Variants in TRDN observed in about 807,000 individuals in gnomAD.
TRDN encodes triadin.
Under a neutral mutation model 149.7 loss-of-function variants are expected in TRDN, and 161 were observed. The ratio of observed to expected loss-of-function variants is 1.08; its 90% CI spans 0.95 to 1.23. The LOEUF (loss-of-function observed/expected upper bound fraction) is 1.23. Among genes scored for constraint, TRDN ranks in the 50% most tolerant of loss-of-function variants. TRDN has a pLI of 0.00. For missense variants in TRDN, 896 were observed against 823.5 expected, an observed-to-expected ratio of 1.09 and a Z score of -1.08; for synonymous variants, 294 against 250.5, an observed-to-expected ratio of 1.17 and a Z score of -1.64.
At chr6:123,356,153 G>T (rs1207292814) in intron 20 of TRDN, among the ~76,000 whole-genome samples, 1 of 151,518 alleles carries the variant, frequency 6.6e-6, no homozygotes, top group Non-Finnish European at 1.5e-5. Context: ...AACCCACTAT[G>T]GTGTGTGATA....
intron 23 of TRDN, among the ~76,000 whole-genome samples, chr6:123,324,881 A>T (rs1779383600): frequency 6.6e-6 from 1 of 152,176 alleles, no homozygotes; most frequent in African/African-American, 2.4e-5. Context: ...ATAACAAGAA[A>T]TGTGTTAGGC....
At chr6:123,343,287 CATTT>C (rs1240471560) in intron 21 of TRDN, among the ~76,000 whole-genome samples, 22 of 151,894 alleles carry the variant, frequency 1.4e-4, no homozygotes, top group African/African-American at 4.3e-4. Context: ...ATTATCCATT[CATTT>C]AAGATATAAT....
intron 2 of TRDN, among the ~76,000 whole-genome samples, chr6:123,564,896 T>C (rs1473409360): frequency 6.6e-6 from 1 of 152,214 alleles, no homozygotes; most frequent in Non-Finnish European, 1.5e-5. Flanking sequence ...GGTACAACCA[T>C]GTAATGATGT....
At chr6:123,458,433 C>T (rs556450033) in intron 10 of TRDN, among the ~76,000 whole-genome samples, 2 of 152,228 alleles carry the variant, frequency 1.3e-5, no homozygotes, top group East Asian at 1.9e-4. Flanking sequence ...CAGTTGAAGG[C>T]CTTAAAGAGA....
intron 38 of TRDN, among the ~76,000 whole-genome samples, chr6:123,230,488 T>C (rs183487220): frequency 6.6e-6 from 1 of 151,852 alleles, no homozygotes; most frequent in Admixed American, 6.6e-5. Context: ...TTTACATATG[T>C]AACAAACCTG....
intron 24 of TRDN, 37 bp downstream of exon 24, chr6:123,316,420 C>A: frequency 6.3e-7 from 1 of 1,589,302 alleles, no homozygotes; most frequent in Non-Finnish European, 8.6e-7. Context: ...CCAAACAGAA[C>A]ATCTCCTTGT....
At chr6:123,527,401 G>T (rs1400230802) in intron 5 of TRDN, among the ~76,000 whole-genome samples, 2 of 151,974 alleles carry the variant, frequency 1.3e-5, no homozygotes, top group African/African-American at 4.8e-5. Context: ...GAGAAGACTG[G>T]TTAACATTTC....
At chr6:123,502,101 G>C (rs1335639691) in intron 8 of TRDN, 1 of 984,174 alleles carries the variant, frequency 1.0e-6, no homozygotes, top group African/African-American at 1.7e-5. Flanking sequence ...AATGTACTTT[G>C]TAGGTTTTCA....
intron 21 of TRDN, among the ~76,000 whole-genome samples, chr6:123,343,894 T>C (rs1167389640): frequency 1.3e-5 from 2 of 152,048 alleles, no homozygotes; most frequent in African/African-American, 4.8e-5. Flanking sequence ...CCCAATGTTA[T>C]GGTATGGCAC....
chr6:123,489,109 C>A (rs1199525866), intron 9 of TRDN, among the ~76,000 whole-genome samples: 1 of 152,066 alleles, frequency 6.6e-6, no homozygotes, highest in Non-Finnish European at 1.5e-5. Context: ...ACAGACATAT[C>A]CTACCAATAT....
chr6:123,577,480 G>A (rs1413286678), intron 1 of TRDN, among the ~76,000 whole-genome samples: 2 of 152,000 alleles, frequency 1.3e-5, no homozygotes, highest in African/African-American at 4.8e-5. Flanking sequence ...ACATGATCTT[G>A]TTCTTTTTAT....
intron 24 of TRDN, among the ~76,000 whole-genome samples, chr6:123,310,492 T>C (rs1053531632): frequency 6.6e-6 from 1 of 152,020 alleles, no homozygotes; most frequent in East Asian, 1.9e-4. Flanking sequence ...TAATGTAGCT[T>C]TTATGTGGGT....
At chr6:123,233,810 AT>A (rs5879667) in intron 38 of TRDN, among the ~76,000 whole-genome samples, 2 of 151,916 alleles carry the variant, frequency 1.3e-5, no homozygotes, top group African/African-American at 2.4e-5. Flanking sequence ...TTTTCTCTTT[AT>A]TTTTTTATTT....
At chr6:123,481,222 T>C (rs1777732892) in intron 9 of TRDN, among the ~76,000 whole-genome samples, 1 of 152,056 alleles carries the variant, frequency 6.6e-6, no homozygotes, top group African/African-American at 2.4e-5. Context: ...CACAGACAAC[T>C]CTGCTTGTGG....
intron 20 of TRDN, among the ~76,000 whole-genome samples, chr6:123,365,804 C>G (rs1001548258): frequency 2.6e-5 from 4 of 152,096 alleles, no homozygotes; most frequent in African/African-American, 9.7e-5. Context: ...TTGTTCGATT[C>G]CTAATCTCTT....
chr6:123,615,193 G>A (rs1785021720), intron 1 of TRDN, among the ~76,000 whole-genome samples: 1 of 152,154 alleles, frequency 6.6e-6, no homozygotes, highest in Non-Finnish European at 1.5e-5. Context: ...CTCACACACT[G>A]TTGGTGGGAA....
At chr6:123,421,380 T>C (rs1773892261) in intron 12 of TRDN, among the ~76,000 whole-genome samples, 1 of 152,218 alleles carries the variant, frequency 6.6e-6, no homozygotes, top group South Asian at 2.1e-4. Flanking sequence ...ATTTTGTCAA[T>C]CTGTTTCCTT....
At chr6:123,601,404 A>T (rs1406071708) in intron 1 of TRDN, among the ~76,000 whole-genome samples, 1 of 152,162 alleles carries the variant, frequency 6.6e-6, no homozygotes, top group Non-Finnish European at 1.5e-5. Flanking sequence ...GCATACCCAT[A>T]GGATTTAAGA....
At chr6:123,360,718 ACG>A (rs1445392162) in intron 20 of TRDN, among the ~76,000 whole-genome samples, 5 of 35,308 alleles carry the variant, frequency 1.4e-4, no homozygotes, top group African/African-American at 4.1e-4. Context: ...AGAGAGAGAG[ACG>A]GAGAGAGAGA....
Sources: gnomAD v4.1 joint callset for allele counts (sites outside exome capture counted in the v4.1 genomes callset) on GRCh38, gnomAD v4.1.1 for gene constraint, MANE v1.5 for transcripts, NCBI Gene and HGNC (gene_info 2026-07-23, HGNC 2026-07-21) for gene names.